Variants in USP35 observed in about 807,000 individuals in gnomAD.
The protein encoded by USP35 is ubiquitin specific peptidase 35, also known as ubiquitin carboxyl-terminal hydrolase 35.
A neutral mutation model predicts 83.8 loss-of-function variants in USP35; 69 were observed. The observed-to-expected ratio is 0.82, with a 90% CI of 0.68 to 1.01. The LOEUF is 1.01. USP35 is among the 50% of genes least tolerant of loss of function. USP35 has a pLI of 0.00. For missense variants in USP35, 1,503 were observed against 1,362.5 expected, an observed-to-expected ratio of 1.10 and a Z score of -1.62; for synonymous variants, 714 against 589.5, an observed-to-expected ratio of 1.21 and a Z score of -3.06.
chr11:78,209,714 A>T lies in USP35; in HGVS notation c.1859A>T (p.Asp620Val), dbSNP rs1365828472. 2.5e-6 allele frequency: 4 copies of T among 1,613,898 alleles called. No individual in the cohort carries two copies. Among genetic ancestry groups the T allele is most frequent in the Middle Eastern group, 1.6e-4 (1 of 6,084 alleles). Residue 620 changes from aspartate (D) to valine (V), a missense_variant, in exon 10 of 11, where the codon GAC becomes GTC. Transcript: ENST00000529308. Reference protein sequence around the residue: ...RLGSVMRPTEDITARELPPPT... With the variant: ...RLGSVMRPTEVITARELPPPT... Reference sequence around the variant, plus strand: ...GGCTCTGTGATGCGCCCCACAGAAGACATCACAGCCCGGGAGTTGCCCCCA... The same window carrying T: ...GGCTCTGTGATGCGCCCCACAGAAGTCATCACAGCCCGGGAGTTGCCCCCA...
At position 78,210,290 on chromosome 11, in the gene USP35, CTTTCG is replaced by C; in HGVS notation, c.2436_2440del (p.Phe813ProfsTer12). 6.2e-7 allele frequency: 1 copy of C among 1,614,098 alleles called. No individual in the cohort carries two copies. Among genetic ancestry groups the C allele is most frequent in the Non-Finnish European group, 8.5e-7 (1 of 1,180,038 alleles). On this transcript the variant is annotated frameshift_variant, in exon 10 of 11. Coordinates refer to ENST00000529308, the MANE Select transcript of USP35 (RefSeq NM_020798.4). LOFTEE classifies it high-confidence loss of function. ...CTCATCCTCACACTGCTGCGCTTCTCTTTCGACCTGCGCACCATGCGGCGCCGCAA... is the reference window on the plus strand; with the variant it reads ...CTCATCCTCACACTGCTGCGCTTCTCACCTGCGCACCATGCGGCGCCGCAA...
the USP35 span, among the ~76,000 whole-genome samples, chr11:78,229,326 G>A: frequency 1.3e-5 from 2 of 152,166 alleles, no homozygotes; most frequent in East Asian, 1.9e-4. Context: ...TGCTCAGGCT[G>A]CAGCAAGCAC....
At chr11:78,207,353 C>A in intron 7 of USP35, 177 bp from the exon 8 acceptor site, 1 of 612,594 alleles carries the variant, frequency 1.6e-6, no homozygotes, top group East Asian at 2.7e-5. Flanking sequence ...CTCAGATACC[C>A]CAGGCTGAGT....
At chr11:78,229,662 C>T in the USP35 span, among the ~76,000 whole-genome samples, 1 of 152,212 alleles carries the variant, frequency 6.6e-6, no homozygotes, top group Non-Finnish European at 1.5e-5. Context: ...ATTTTCAACA[C>T]CGCCTCAATG....
At position 78,213,968 on chromosome 11, in the gene USP35, AT is replaced by A. The variant is rs1381787005; in HGVS notation, c.*156del. On this transcript the variant is annotated 3_prime_UTR_variant, in exon 11 of 11. Coordinates refer to ENST00000529308, the MANE Select transcript of USP35 (RefSeq NM_020798.4). The stretch of plus-strand genomic sequence containing the variant: ...AGGGTACACAGAGATTCTCTCAGAT[AT>A]GGAAGTAAGACCTAAGTCCCTTTCA... 1.6e-4 allele frequency: 130 copies of A among 812,958 alleles called. No individual in the cohort carries two copies. In the African/African-American group the frequency reaches 2.0e-3, roughly 12 times the overall value. 50.4% of individuals were successfully genotyped at this position (812,958 alleles called of 1,614,324 possible). A position where few individuals can be genotyped will look rare whatever the true frequency, so the allele number is the denominator to read the frequency against.
At position 78,215,080 on chromosome 11, in the gene USP35, A is replaced by C. The variant is rs545247269; in HGVS notation, c.*1267A>C. Among the ~76,000 whole-genome samples, 38 of 152,240 alleles carry C rather than the reference A, an allele frequency of 2.5e-4. No homozygotes were observed. Among genetic ancestry groups the C allele is most frequent in the Non-Finnish European group, 5.3e-4 (36 of 68,042 alleles). Reference sequence around the variant, plus strand: ...GTGAAAGCAGCAGACAGACACGCCCAGAACCCATCTCTAGACGCCTAAGAA... The same window carrying C: ...GTGAAAGCAGCAGACAGACACGCCCCGAACCCATCTCTAGACGCCTAAGAA... On this transcript the variant is annotated 3_prime_UTR_variant, in exon 11 of 11. Coordinates refer to ENST00000529308, the MANE Select transcript of USP35 (RefSeq NM_020798.4).
chr11:78,234,676 A>G, the USP35 span, among the ~76,000 whole-genome samples: 1 of 151,154 alleles, frequency 6.6e-6, no homozygotes, highest in Non-Finnish European at 1.5e-5. Context: ...TGGACTTGCT[A>G]ATTCTTCTAG....
Position 78,196,116 on chromosome 11 carries a change from GA to G in USP35, c.-10-116del. ...CGCCCTTGCCCCATTTCACAGATGA[GA>G]AAACTGAGGCCCAGAAAGTTTGAGT... On this transcript the variant is annotated intron_variant, in intron 1 of 10. Coordinates refer to ENST00000529308, the MANE Select transcript of USP35 (RefSeq NM_020798.4). This position sits in a 1 kb window ranked among gnomAD's most constrained non-coding sequence, Gnocchi z 4.8. 7.1e-7 allele frequency: 1 copy of G among 1,415,858 alleles called. No individual in the cohort carries two copies. The highest frequency in any genetic ancestry group is 9.2e-7 in the Non-Finnish European group (1 of 1,090,264). 87.7% of individuals were successfully genotyped at this position (1,415,858 alleles called of 1,614,324 possible).
Position 78,208,883 on chromosome 11 carries a change from C to T in USP35, c.1512C>T (p.Phe504=), listed in dbSNP as rs1047190899. Reference sequence around the variant, plus strand: ...GGCCTGCCATTTCCCCAGAGAACTTCCTCTCCGCATCCTGGACGCCCTGGT... The same window carrying T: ...GGCCTGCCATTTCCCCAGAGAACTTTCTCTCCGCATCCTGGACGCCCTGGT... ...SQRPAISPEN[F]LSASWTPWFS... is the part of the protein sequence containing the mutation. Residue 504 remains phenylalanine (F), a synonymous_variant, in exon 9 of 11, where the codon TTC becomes TTT. Coordinates refer to ENST00000529308, the MANE Select transcript of USP35 (RefSeq NM_020798.4). 58 of 1,614,106 alleles carry T rather than the reference C, an allele frequency of 3.6e-5. No homozygotes were observed. Among genetic ancestry groups the T allele is most frequent in the Non-Finnish European group, 4.7e-5 (56 of 1,180,044 alleles).
rs775351830 is a variant in USP35 at position 78,213,854 on chromosome 11, CAGGTAGGGCCTGAGGGAAGCTGTGG to C, written c.*45_*69del. 1.3e-6 allele frequency: 2 copies of C among 1,528,520 alleles called. No homozygotes were observed. Among genetic ancestry groups the C allele is most frequent in the South Asian group, 2.6e-5 (2 of 76,348 alleles). The allele number at this position is 1,528,520 out of a possible 1,614,324, so 94.7% of individuals were successfully genotyped here. A position where few individuals can be genotyped will look rare whatever the true frequency, so the allele number is the denominator to read the frequency against. ...AACCTGACCCCTTCCCTCCAGGAGC[CAGGTAGGGCCTGAGGGAAGCTGTGG>C]AGGCAGGCCCTACCAAGAGGAAGGA... On this transcript the variant is annotated 3_prime_UTR_variant, in exon 11 of 11. Coordinates refer to ENST00000529308, the MANE Select transcript of USP35 (RefSeq NM_020798.4).
the USP35 span, among the ~76,000 whole-genome samples, chr11:78,230,270 C>T: frequency 6.6e-6 from 1 of 152,226 alleles, no homozygotes; most frequent in Non-Finnish European, 1.5e-5. Context: ...TCCAACTTCC[C>T]TCTACCCCGG....
the USP35 span, chr11:78,226,884 T>A: frequency 6.2e-7 from 1 of 1,614,044 alleles, no homozygotes; most frequent in Non-Finnish European, 8.5e-7. Context: ...GTAGGTACTG[T>A]CTCTGAATTC....
the USP35 span, among the ~76,000 whole-genome samples, chr11:78,222,429 A>G: frequency 6.6e-6 from 1 of 151,712 alleles, no homozygotes; most frequent in African/African-American, 2.4e-5. Flanking sequence ...TGGTAATTAT[A>G]TTTTCAGAAT....
chr11:78,193,457 G>A (rs1459590284), intron 1 of USP35, among the ~76,000 whole-genome samples: 10 of 149,998 alleles, frequency 6.7e-5, no homozygotes, highest in Non-Finnish European at 1.0e-4. Flanking sequence ...TCCCCACCTC[G>A]GCCTCCCAGA....
intron 9 of USP35, 136 bp downstream of exon 9, chr11:78,209,099 T>C: frequency 2.2e-6 from 2 of 920,744 alleles, no homozygotes; most frequent in Non-Finnish European, 1.6e-6. Context: ...GGAGAAGGGG[T>C]GTGCTGGAAG....
downstream of USP35, chr11:78,215,778 G>T (rs111642945): frequency 2.0e-5 from 3 of 151,728 alleles, no homozygotes; most frequent in African/African-American, 7.3e-5. Context: ...GACCCCCCAC[G>T]GAAGGGCTTT....
At position 78,189,131 on chromosome 11, in the gene USP35, C is replaced by G. The variant is rs1430792024; in HGVS notation, c.-37C>G. On this transcript the variant is annotated 5_prime_UTR_variant, in exon 1 of 11. Coordinates refer to ENST00000529308, the MANE Select transcript of USP35 (RefSeq NM_020798.4). The stretch of plus-strand genomic sequence containing the variant: ...CGGCCTGAGCGCCCCGCCCAGCAGC[C>G]GGCTCTGGCCCACCGGGGTCCGGGA... 4.3e-6 allele frequency: 1 copy of G among 230,544 alleles called. No homozygotes were observed. The highest frequency in any genetic ancestry group is 7.2e-6 in the Non-Finnish European group (1 of 139,730). The allele number at this position is 230,544 out of a possible 1,614,324, so 14.3% of individuals were successfully genotyped here.
At position 78,209,436 on chromosome 11, in the gene USP35, T is replaced by C. The variant is rs757687972; in HGVS notation, c.1593-12T>C. ...GCATGTACATGTAGTGACTCTGTGC[T>C]CTCTGCCCCAGGCTGCACGAAGAGG... On this transcript the variant is annotated splice_polypyrimidine_tract_variant and intron_variant, in intron 9 of 10. Transcript: ENST00000529308. 35 of 1,583,778 alleles carry C rather than the reference T, an allele frequency of 2.2e-5. No homozygotes were observed. The highest frequency in any genetic ancestry group is 4.5e-5 in the East Asian group (2 of 44,516).
At chr11:78,190,577 A>G (rs1862974467) in intron 1 of USP35, among the ~76,000 whole-genome samples, 2 of 152,228 alleles carry the variant, frequency 1.3e-5, no homozygotes, top group African/African-American at 4.8e-5. Flanking sequence ...CTGGGCTCAG[A>G]GACGGGGATT....
Sources: allele counts gnomAD v4.1 joint callset (sites outside exome capture counted in the v4.1 genomes callset), GRCh38; gene constraint gnomAD v4.1.1; non-coding constraint Gnocchi (gnomAD v3.1); transcripts MANE v1.5; gene names NCBI Gene and HGNC (gene_info 2026-07-23, HGNC 2026-07-21).